The following MACROD2 variants were observed in gnomAD, a reference collection of about 807,000 sequenced individuals.
MACROD2 encodes ADP-ribose glycohydrolase MACROD2.
MACROD2 carries 36 observed loss-of-function variants against 70.4 expected under a neutral mutation model. That is an observed-to-expected ratio of 0.51 (90% CI 0.39 to 0.68). The LOEUF (loss-of-function observed/expected upper bound fraction) is 0.68. Ranked by LOEUF, MACROD2 falls within the 30% of genes least tolerant of loss-of-function variation. MACROD2 has a pLI of 0.00. For synonymous variants in MACROD2, 172 were observed against 178.8 expected, an observed-to-expected ratio of 0.96 and a Z score of 0.30; for missense variants, 496 against 538.4, an observed-to-expected ratio of 0.92 and a Z score of 0.78.
chr20:14,475,694 G>A (rs1157480893), intron 3 of MACROD2, among the ~76,000 whole-genome samples: 5 of 151,956 alleles, frequency 3.3e-5, no homozygotes, highest in Non-Finnish European at 7.4e-5. Context: ...TCTAACTCTA[G>A]CACTATGAAT....
At chr20:15,908,228 G>A (rs1190574833) in intron 10 of MACROD2, among the ~76,000 whole-genome samples, 1 of 152,120 alleles carries the variant, frequency 6.6e-6, no homozygotes, top group Non-Finnish European at 1.5e-5. Flanking sequence ...ATTGGAGAAT[G>A]GGGGGAAAAG....
chr20:15,679,467 C>T (rs1230971123), intron 8 of MACROD2, among the ~76,000 whole-genome samples: 2 of 152,168 alleles, frequency 1.3e-5, no homozygotes, highest in Admixed American at 6.5e-5. Context: ...ACTGCACCCC[C>T]CAAGGTTCAT....
At chr20:14,100,356 A>G (rs2054281881) in intron 3 of MACROD2, among the ~76,000 whole-genome samples, 1 of 151,564 alleles carries the variant, frequency 6.6e-6, no homozygotes, top group Admixed American at 6.6e-5. Flanking sequence ...ATAGGTTGAT[A>G]TTAATAGTTT....
intron 8 of MACROD2, among the ~76,000 whole-genome samples, chr20:15,672,680 C>G (rs890005386): frequency 6.6e-6 from 1 of 152,106 alleles, no homozygotes; most frequent in African/African-American, 2.4e-5. Context: ...CAGTGACATG[C>G]GAAAGAACTT....
intron 8 of MACROD2, among the ~76,000 whole-genome samples, chr20:15,534,779 T>C (rs2146554058): frequency 6.6e-6 from 1 of 152,178 alleles, no homozygotes; most frequent in South Asian, 2.1e-4. Flanking sequence ...GGCCCTGGAG[T>C]TCTGAGTTTG....
Position 14,310,030 on chromosome 20 carries a change from G to A in MACROD2, c.272-183449G>A, listed in dbSNP as rs980577557. 3.8e-4 allele frequency among the ~76,000 whole-genome samples: 58 copies of A among 152,188 alleles called. 1 individual carries two copies. The highest frequency in any genetic ancestry group is 1.4e-3 in the African/African-American group (57 of 41,526). ...GTGTGTGGTGTGAGCATGGGGGCTTGCTGGAAAGGAAGTTATTTCCTCTTA... is the reference window on the plus strand; with the variant it reads ...GTGTGTGGTGTGAGCATGGGGGCTTACTGGAAAGGAAGTTATTTCCTCTTA... On this transcript the variant is annotated intron_variant, in intron 3 of 17. Coordinates refer to ENST00000684519, the MANE Select transcript of MACROD2 (RefSeq NM_001351661.2).
chr20:15,348,721 G>A (rs2078194541), intron 6 of MACROD2, among the ~76,000 whole-genome samples: 1 of 152,080 alleles, frequency 6.6e-6, no homozygotes. Flanking sequence ...AAAACCATAA[G>A]ATCTCGTGAG....
intron 6 of MACROD2, among the ~76,000 whole-genome samples, chr20:15,312,059 G>A (rs7353742): frequency 0.038 from 5,764 of 152,196 alleles, 141 homozygotes; most frequent in South Asian, 0.099. Context: ...GAGAGATAAA[G>A]TGACTACATA....
chr20:14,292,799 T>G (rs994519003), intron 3 of MACROD2, among the ~76,000 whole-genome samples: 4 of 151,764 alleles, frequency 2.6e-5, no homozygotes, highest in African/African-American at 9.7e-5. Context: ...CACGCCCAGC[T>G]AATTTTTGTA....
chr20:15,629,929 G>A (rs1046995080), intron 8 of MACROD2, among the ~76,000 whole-genome samples: 6 of 152,186 alleles, frequency 3.9e-5, no homozygotes, highest in Admixed American at 3.9e-4. Context: ...TTAGCAATGT[G>A]GGAATGGTCA....
rs147248669 is a variant in MACROD2 at position 14,731,822 on chromosome 20, A to G, written c.418+46863A>G. ...CTTAACATATTGAATGCAGAAGCAGATACGAGAATCCAGTCGTCTTTTTTT... is the reference window on the plus strand; with the variant it reads ...CTTAACATATTGAATGCAGAAGCAGGTACGAGAATCCAGTCGTCTTTTTTT... On this transcript the variant is annotated intron_variant, in intron 5 of 17. Coordinates refer to ENST00000684519, the MANE Select transcript of MACROD2 (RefSeq NM_001351661.2). Among the ~76,000 whole-genome samples the G allele has an allele frequency of 4.6e-3, 705 of 152,292 alleles. 5 individuals are homozygous for G. Among genetic ancestry groups the G allele is most frequent in the African/African-American group, 0.016 (678 of 41,570 alleles).
In MACROD2 at chr20:14,137,501, G is replaced by T. The variant is rs183172791; in HGVS notation, c.271+51773G>T. Among the ~76,000 whole-genome samples, 45 of 152,190 alleles carry T rather than the reference G, an allele frequency of 3.0e-4. 1 individual carries two copies. Among genetic ancestry groups the T allele is most frequent in the Admixed American group, 2.6e-3 (40 of 15,274 alleles). ...GTCTAGAGGTGATTAACTATTGTTT[G>T]ACAAAGGCACCCTGAATACACAATG... On this transcript the variant is annotated intron_variant, in intron 3 of 17. Coordinates refer to ENST00000684519, the MANE Select transcript of MACROD2 (RefSeq NM_001351661.2).
At chr20:15,240,866 C>A (rs2077054682) in intron 6 of MACROD2, among the ~76,000 whole-genome samples, 1 of 152,160 alleles carries the variant, frequency 6.6e-6, no homozygotes, top group African/African-American at 2.4e-5. Context: ...TAGAAGGCAG[C>A]CTTCTGAAAG....
chr20:15,473,400 C>T (rs1022272970), intron 7 of MACROD2, among the ~76,000 whole-genome samples: 2 of 152,166 alleles, frequency 1.3e-5, no homozygotes, highest in African/African-American at 4.8e-5. Context: ...CATCTACCAT[C>T]AATCCTCTGT....
intron 2 of MACROD2, among the ~76,000 whole-genome samples, chr20:14,052,394 A>G (rs2053579161): frequency 6.6e-6 from 1 of 152,138 alleles, no homozygotes; most frequent in South Asian, 2.1e-4. Flanking sequence ...AGATCTGTGA[A>G]TTGTACTAAA....
chr20:15,048,725 A>G (rs1369495734), intron 5 of MACROD2, among the ~76,000 whole-genome samples: 2 of 152,116 alleles, frequency 1.3e-5, no homozygotes, highest in African/African-American at 2.4e-5. Context: ...TTTAAACATA[A>G]TTTATGCTGG....
chr20:14,351,571 T>C (rs919715166), intron 3 of MACROD2, among the ~76,000 whole-genome samples: 1 of 152,240 alleles, frequency 6.6e-6, no homozygotes, highest in African/African-American at 2.4e-5. Flanking sequence ...GAAATGCTAC[T>C]GATTTTTGCA....
intron 3 of MACROD2, among the ~76,000 whole-genome samples, chr20:14,246,540 A>G (rs2081969542): frequency 6.6e-6 from 1 of 152,082 alleles, no homozygotes; most frequent in African/African-American, 2.4e-5. Context: ...TCTTCTTTGT[A>G]TAGACTACAC....
At chr20:14,544,904 A>C (rs1433345012) in intron 4 of MACROD2, among the ~76,000 whole-genome samples, 1 of 152,168 alleles carries the variant, frequency 6.6e-6, no homozygotes, top group Non-Finnish European at 1.5e-5. Context: ...TTGCATAGGC[A>C]GAGTGGTGTT....
Sources: allele counts gnomAD v4.1 joint callset (sites outside exome capture counted in the v4.1 genomes callset), GRCh38; gene constraint gnomAD v4.1.1; transcripts MANE v1.5; gene names NCBI Gene and HGNC (gene_info 2026-07-23, HGNC 2026-07-21).